TBC1D5: variants seen among roughly 807,000 people sequenced by gnomAD.
TBC1D5 encodes TBC1 domain family member 5.
In TBC1D5, 75 loss-of-function variants were observed where a neutral mutation model predicts 100.3. The observed-to-expected ratio is 0.75, with a 90% CI of 0.62 to 0.91. The LOEUF (loss-of-function observed/expected upper bound fraction) is 0.91, where lower values mean the gene tolerates loss of function less well. Ranked by LOEUF, TBC1D5 falls within the 40% of genes least tolerant of loss-of-function variation. The probability of loss-of-function intolerance (pLI) is 0.00; values close to 1 mark genes in which losing one functional copy is unlikely to be tolerated. For synonymous variants in TBC1D5, 323 were observed against 325.6 expected (o/e 0.99, Z 0.09); for missense variants, 910 against 942.4 (o/e 0.97, Z 0.45).
chr3:17,507,031 AAAC>A (rs576718256), intron 3 of TBC1D5, among the ~76,000 whole-genome samples: 46 of 152,288 alleles, frequency 3.0e-4, no homozygotes, highest in African/African-American at 9.9e-4. Context: ...ACAAACAAAC[AAAC>A]AACAACAACA....
chr3:17,315,047 G>A (rs2084509145), intron 13 of TBC1D5, among the ~76,000 whole-genome samples: 1 of 152,198 alleles, frequency 6.6e-6, no homozygotes, highest in African/African-American at 2.4e-5. Context: ...CTAGTTCCCA[G>A]GAGATACTGA....
chr3:17,266,825 A>T (rs1338022292), intron 15 of TBC1D5, among the ~76,000 whole-genome samples: 2 of 152,152 alleles, frequency 1.3e-5, no homozygotes, highest in Non-Finnish European at 2.9e-5. Flanking sequence ...AAAACTAGGT[A>T]TTAAGAATCT....
At chr3:17,542,386 G>T (rs759851643) in intron 2 of TBC1D5, among the ~76,000 whole-genome samples, 22 of 152,136 alleles carry the variant, frequency 1.4e-4, no homozygotes, top group Non-Finnish European at 2.6e-4. Flanking sequence ...AAAAAAAATT[G>T]TTTTAATGTT....
At chr3:17,719,724 C>T (rs929593565) in intron 1 of TBC1D5, among the ~76,000 whole-genome samples, 1 of 152,102 alleles carries the variant, frequency 6.6e-6, no homozygotes, top group Non-Finnish European at 1.5e-5. Flanking sequence ...CAGAGGCTCA[C>T]TCAAACTTAA....
intron 3 of TBC1D5, among the ~76,000 whole-genome samples, chr3:17,488,403 AG>A (rs2095597255): frequency 6.6e-6 from 1 of 152,180 alleles, no homozygotes; most frequent in Non-Finnish European, 1.5e-5. Context: ...GCTGCTTCCA[AG>A]TTTTGGCAAT....
chr3:17,727,629 C>T (rs547408767), intron 1 of TBC1D5, among the ~76,000 whole-genome samples: 1 of 152,030 alleles, frequency 6.6e-6, no homozygotes, highest in African/African-American at 2.4e-5. Flanking sequence ...CAAAATTGAT[C>T]CAAGAAATGA....
At chr3:17,616,480 C>A (rs563231969) in intron 2 of TBC1D5, among the ~76,000 whole-genome samples, 3 of 151,966 alleles carry the variant, frequency 2.0e-5, no homozygotes, top group African/African-American at 7.2e-5. Flanking sequence ...CTAATACTGA[C>A]AGTGGAATGT....
intron 14 of TBC1D5, among the ~76,000 whole-genome samples, chr3:17,293,326 G>C (rs2081946253): frequency 6.6e-6 from 1 of 152,172 alleles, no homozygotes; most frequent in African/African-American, 2.4e-5. Flanking sequence ...GATCTAGCAA[G>C]TAATTAAGAC....
intron 8 of TBC1D5, among the ~76,000 whole-genome samples, chr3:17,402,070 C>G (rs1443132151): frequency 6.6e-6 from 1 of 152,088 alleles, no homozygotes; most frequent in Non-Finnish European, 1.5e-5. Flanking sequence ...AAACTTCCCA[C>G]CCCATACCCT....
At chr3:17,488,752 T>G (rs1047686165) in intron 3 of TBC1D5, among the ~76,000 whole-genome samples, 1 of 152,120 alleles carries the variant, frequency 6.6e-6, no homozygotes, top group African/African-American at 2.4e-5. Context: ...TTTTTACCTA[T>G]GCTTATCCTG....
intron 2 of TBC1D5, among the ~76,000 whole-genome samples, chr3:17,552,552 T>C (rs2096483112): frequency 6.6e-6 from 1 of 152,138 alleles, no homozygotes; most frequent in African/African-American, 2.4e-5. Flanking sequence ...CCTGGCACTA[T>C]TCTAGGCCCT....
intron 2 of TBC1D5, among the ~76,000 whole-genome samples, chr3:17,517,271 A>G (rs988653596): frequency 6.6e-6 from 1 of 152,178 alleles, no homozygotes; most frequent in African/African-American, 2.4e-5. Context: ...TTTTAGCAAG[A>G]CCATCCACTT....
intron 3 of TBC1D5, among the ~76,000 whole-genome samples, chr3:17,436,984 T>C (rs538763359): frequency 2.5e-4 from 38 of 152,330 alleles, no homozygotes; most frequent in African/African-American, 8.2e-4. Context: ...GGAAACTTAA[T>C]ACACAATGCA....
At chr3:17,616,843 A>G (rs1403390315) in intron 2 of TBC1D5, among the ~76,000 whole-genome samples, 1 of 151,950 alleles carries the variant, frequency 6.6e-6, no homozygotes, top group Non-Finnish European at 1.5e-5. Context: ...TCTTTATCCA[A>G]TTTGCCAGTC....
At chr3:17,686,497 G>C (rs183318424) in intron 1 of TBC1D5, among the ~76,000 whole-genome samples, 10 of 152,094 alleles carry the variant, frequency 6.6e-5, no homozygotes, top group Admixed American at 6.5e-4. Flanking sequence ...ATTTATCTTA[G>C]TGAATTCTCA....
At chr3:17,222,109 T>C (rs1454410951) in intron 17 of TBC1D5, among the ~76,000 whole-genome samples, 1 of 152,218 alleles carries the variant, frequency 6.6e-6, no homozygotes, top group Non-Finnish European at 1.5e-5. Flanking sequence ...TATTATGTGC[T>C]GTTCATCTTT....
intron 18 of TBC1D5, among the ~76,000 whole-genome samples, chr3:17,201,733 T>C (rs543413212): frequency 1.3e-5 from 2 of 152,320 alleles, no homozygotes; most frequent in African/African-American, 4.8e-5. Flanking sequence ...CCTCCTTCTC[T>C]GGCTGTGTAA....
intron 1 of TBC1D5, among the ~76,000 whole-genome samples, chr3:17,719,363 ATAT>A (rs1208935127): frequency 2.0e-5 from 3 of 152,200 alleles, no homozygotes; most frequent in Non-Finnish European, 4.4e-5. Context: ...ACCTGTTAGC[ATAT>A]TATTTATTTC....
intron 19 of TBC1D5, among the ~76,000 whole-genome samples, chr3:17,176,462 C>T (rs1206251577): frequency 1.3e-5 from 2 of 152,120 alleles, no homozygotes; most frequent in Admixed American, 6.5e-5. Context: ...AGCAAAGCTG[C>T]CAAGTATGAC....
Sources: gnomAD v4.1 joint callset for allele counts (sites outside exome capture counted in the v4.1 genomes callset) on GRCh38, gnomAD v4.1.1 for gene constraint, MANE v1.5 for transcripts, NCBI Gene and HGNC (gene_info 2026-07-23, HGNC 2026-07-21) for gene names.